The following MYOF variants were observed in gnomAD, a reference collection of about 807,000 sequenced individuals.
MYOF encodes the protein myoferlin.
A neutral mutation model predicts 284.2 loss-of-function variants in MYOF; 244 were observed. That is an observed-to-expected ratio of 0.86 (90% confidence interval 0.77 to 0.95). The LOEUF (loss-of-function observed/expected upper bound fraction) is 0.95, where lower values mean the gene tolerates loss of function less well. Ranked by LOEUF, MYOF falls within the 40% of genes least tolerant of loss-of-function variation. MYOF has a pLI of 0.00. For missense variants in MYOF, 2,496 were observed against 2,560.6 expected, an observed-to-expected ratio of 0.97 and a Z score of 0.54; for synonymous variants, 904 against 919.7, an observed-to-expected ratio of 0.98 and a Z score of 0.31.
intron 3 of MYOF, among the ~76,000 whole-genome samples, chr10:93,446,875 G>T (rs1185946945): frequency 1.3e-5 from 2 of 151,818 alleles, no homozygotes; most frequent in African/African-American, 4.8e-5. Flanking sequence ...GCACAACCAC[G>T]CCCAGCTAAT....
intron 2 of MYOF, among the ~76,000 whole-genome samples, chr10:93,455,325 C>CAA (rs758921726): frequency 0.041 from 6,107 of 150,776 alleles, 165 homozygotes; most frequent in Non-Finnish European, 0.061. Flanking sequence ...AAAAAAAGAA[C>CAA]AAAAAAAACC....
chr10:93,374,737 A>T (rs1477866254), intron 23 of MYOF, 26 bp downstream of exon 23: 1 of 1,597,398 alleles, frequency 6.3e-7, no homozygotes, highest in Non-Finnish European at 8.5e-7. Flanking sequence ...ATATCAGGTG[A>T]CGTTTGTGTA....
chr10:93,471,482 G>C (rs945208820), intron 1 of MYOF, among the ~76,000 whole-genome samples: 3 of 152,128 alleles, frequency 2.0e-5, no homozygotes, highest in African/African-American at 7.2e-5. Flanking sequence ...CTTCATCCAT[G>C]CTGAGCTCAG....
At chr10:93,402,943 T>A in intron 9 of MYOF, 53 bp from the exon 10 acceptor site, 1 of 1,467,842 alleles carries the variant, frequency 6.8e-7, no homozygotes, top group Non-Finnish European at 9.5e-7. Flanking sequence ...ATCAGTCTAG[T>A]CACTTTAAAG....
intron 24 of MYOF, among the ~76,000 whole-genome samples, chr10:93,372,304 C>A (rs535847705): frequency 6.6e-6 from 1 of 152,292 alleles, no homozygotes; most frequent in South Asian, 2.1e-4. Flanking sequence ...ACACAGAGTT[C>A]TTAATACGGG....
At chr10:93,455,039 T>C (rs1473474290) in intron 2 of MYOF, among the ~76,000 whole-genome samples, 2 of 139,330 alleles carry the variant, frequency 1.4e-5, no homozygotes, top group Non-Finnish European at 3.0e-5. Context: ...CTTATGCGTG[T>C]AATCCCAGGA....
chr10:93,456,882 C>T lies in MYOF; in HGVS notation c.144G>A (p.Glu48=), dbSNP rs1255921099. 2 of 1,602,910 alleles carry T rather than the reference C, an allele frequency of 1.2e-6. No individual in the cohort carries two copies. Among genetic ancestry groups the T allele is most frequent in the South Asian group, 2.2e-5 (2 of 89,544 alleles). Residue 48 remains glutamate (E), a splice_region_variant and synonymous_variant, in exon 2 of 54, where the codon GAG becomes GAA. Coordinates refer to ENST00000359263, the MANE Select transcript of MYOF (RefSeq NM_013451.4). The part of the protein sequence containing the change: ...VDNELNPVWN[E]ILEFDLRGIP... ...AAAGTTGAAAAAACAATGAAGTCAC[C>T]TCATTCCAGACAGGGTTCAATTCAT...
At chr10:93,328,935 G>C in intron 44 of MYOF, 24 bp from the exon 45 acceptor site, 1 of 1,574,580 alleles carries the variant, frequency 6.4e-7, no homozygotes, top group Non-Finnish European at 8.7e-7. Context: ...CACGTGGCTC[G>C]GAGTTACGGA....
rs184150428 is a variant in MYOF, at chr10:93,463,383, C to A, written c.89-6446G>T. On this transcript the variant is annotated intron_variant, in intron 1 of 53. Coordinates refer to ENST00000359263, the MANE Select transcript of MYOF (RefSeq NM_013451.4). ...CAGCCTGGGCAACATAGTGAGACTT[C>A]GTCTCTACAAATTTTTTTTTTTTTT... Among the ~76,000 whole-genome samples the A allele has an allele frequency of 3.3e-3, 466 of 142,512 alleles. 5 individuals are homozygous for A. Among genetic ancestry groups the A allele is most frequent in the Admixed American group, 0.023 (304 of 13,218 alleles). 93.5% of individuals were successfully genotyped at this position (142,512 alleles called of 152,430 possible).
chr10:93,467,704 G>T (rs1470249926), intron 1 of MYOF, among the ~76,000 whole-genome samples: 3 of 152,188 alleles, frequency 2.0e-5, no homozygotes, highest in Non-Finnish European at 4.4e-5. Context: ...ATTCACAATG[G>T]CAAAGACTTG....
At chr10:93,332,701 G>T (rs907963052) in intron 43 of MYOF, among the ~76,000 whole-genome samples, 1 of 151,912 alleles carries the variant, frequency 6.6e-6, no homozygotes, top group Admixed American at 6.6e-5. Flanking sequence ...AAAAAAATTA[G>T]CCGGGCGTGG....
At chr10:93,311,835 G>A (rs1278709176) in intron 51 of MYOF, among the ~76,000 whole-genome samples, 1 of 152,166 alleles carries the variant, frequency 6.6e-6, no homozygotes, top group Non-Finnish European at 1.5e-5. Context: ...GCTAAAGTGG[G>A]GACAATGTCT....
At chr10:93,476,658 A>G (rs1564747155) in intron 1 of MYOF, among the ~76,000 whole-genome samples, 1 of 152,170 alleles carries the variant, frequency 6.6e-6, no homozygotes, top group Admixed American at 6.6e-5. Context: ...TGGGATGTCT[A>G]GAGATTAACT....
At chr10:93,369,860 C>T in intron 24 of MYOF, 84 bp from the exon 25 acceptor site, 8 of 1,520,682 alleles carry the variant, frequency 5.3e-6, no homozygotes, top group Non-Finnish European at 6.3e-6. Flanking sequence ...ACAGAGGGAA[C>T]ATCTAATCAT....
intron 4 of MYOF, among the ~76,000 whole-genome samples, chr10:93,427,463 G>A (rs1266489203): frequency 1.3e-5 from 2 of 149,976 alleles, no homozygotes; most frequent in Non-Finnish European, 3.0e-5. Flanking sequence ...CTCGGGAGGC[G>A]GAGGTTGCAG....
intron 40 of MYOF, among the ~76,000 whole-genome samples, chr10:93,336,655 G>A (rs1280759859): frequency 6.6e-6 from 1 of 152,048 alleles, no homozygotes; most frequent in Non-Finnish European, 1.5e-5. Flanking sequence ...TTTGGGTGGT[G>A]GTTCACATAG....
chr10:93,374,697 C>A, intron 23 of MYOF, 66 bp downstream of exon 23: 2 of 1,495,924 alleles, frequency 1.3e-6, no homozygotes, highest in South Asian at 1.3e-5. Flanking sequence ...CCATCCTATT[C>A]TTGGTGCCAT....
At chr10:93,412,192 G>A (rs534363056) in intron 5 of MYOF, among the ~76,000 whole-genome samples, 1 of 152,310 alleles carries the variant, frequency 6.6e-6, no homozygotes, top group Non-Finnish European at 1.5e-5. Context: ...CCAGGACCAA[G>A]TTTTCACACT....
chr10:93,398,718 A>G (rs942285592), intron 13 of MYOF, among the ~76,000 whole-genome samples: 1 of 152,204 alleles, frequency 6.6e-6, no homozygotes, highest in South Asian at 2.1e-4. Flanking sequence ...TCATATGTGT[A>G]TGTGTATGTG....
Sources: gnomAD v4.1 joint callset for allele counts (sites outside exome capture counted in the v4.1 genomes callset) on GRCh38, gnomAD v4.1.1 for gene constraint, MANE v1.5 for transcripts, NCBI Gene and HGNC (gene_info 2026-07-23, HGNC 2026-07-21) for gene names.